ERGIC1: variants seen among roughly 807,000 people sequenced by gnomAD.
ERGIC1 encodes the protein endoplasmic reticulum-golgi intermediate compartment 1, also known as endoplasmic reticulum-Golgi intermediate compartment protein 1.
Under a neutral mutation model 38.3 loss-of-function variants are expected in ERGIC1, and 19 were observed. The ratio of observed to expected loss-of-function variants is 0.50; its 90% confidence interval spans 0.35 to 0.73. The LOEUF (loss-of-function observed/expected upper bound fraction) is 0.73, where lower values mean the gene tolerates loss of function less well. Among genes scored for constraint, ERGIC1 ranks in the 30% least tolerant of loss-of-function variants. ERGIC1 has a pLI of 0.01. For synonymous variants in ERGIC1, 124 were observed against 157.6 expected (o/e 0.79, Z 1.60); for missense variants, 294 against 389.2 (o/e 0.76, Z 2.06).
chr5:172,847,732 C>G (rs1473859465), intron 1 of ERGIC1, among the ~76,000 whole-genome samples: 1 of 152,224 alleles, frequency 6.6e-6, no homozygotes, highest in Non-Finnish European at 1.5e-5. Context: ...CCAGGATGGT[C>G]TCGATCCGTT....
intron 1 of ERGIC1, among the ~76,000 whole-genome samples, chr5:172,870,750 G>A (rs1278937456): frequency 6.6e-6 from 1 of 152,200 alleles, no homozygotes; most frequent in East Asian, 1.9e-4. Context: ...CCCTCTCGCA[G>A]CCACTCCCTT....
chr5:172,906,569 C>G (rs1308989416), intron 3 of ERGIC1, among the ~76,000 whole-genome samples: 1 of 152,134 alleles, frequency 6.6e-6, no homozygotes, highest in Non-Finnish European at 1.5e-5. Context: ...CAGCATCACA[C>G]CGGGTGCTAG....
intron 1 of ERGIC1, among the ~76,000 whole-genome samples, chr5:172,856,383 C>A (rs1312091554): frequency 2.0e-5 from 3 of 152,018 alleles, no homozygotes; most frequent in African/African-American, 7.2e-5. Context: ...GGAAGAGAAG[C>A]AAATGGCAAA....
At chr5:172,936,449 C>T (rs1418956176) in intron 9 of ERGIC1, 1 of 152,288 alleles carries the variant, frequency 6.6e-6, no homozygotes, top group African/African-American at 2.4e-5. Flanking sequence ...AGGCCCTGTA[C>T]CCTCTCTGGT....
At chr5:172,898,001 C>T (rs181242524) in intron 3 of ERGIC1, 216 of 410,694 alleles carry the variant, frequency 5.3e-4, no homozygotes, top group Middle Eastern at 1.9e-3. Context: ...CCTCATCGGA[C>T]GCCCCTCTGT....
At chr5:172,878,439 GA>G (rs1290830111) in intron 1 of ERGIC1, among the ~76,000 whole-genome samples, 2 of 152,178 alleles carry the variant, frequency 1.3e-5, no homozygotes, top group Non-Finnish European at 2.9e-5. Flanking sequence ...AAGTAAAACA[GA>G]AAGAATGCTA....
At chr5:172,855,172 T>G (rs766832886) in intron 1 of ERGIC1, among the ~76,000 whole-genome samples, 14 of 152,154 alleles carry the variant, frequency 9.2e-5, no homozygotes, top group Non-Finnish European at 1.6e-4. Context: ...GGAGTGGCAT[T>G]TCCCAGAACA....
At chr5:172,932,683 C>G in intron 8 of ERGIC1, 147 bp downstream of exon 8, 1 of 745,552 alleles carries the variant, frequency 1.3e-6, no homozygotes, top group Non-Finnish European at 2.2e-6. Flanking sequence ...CAGGCGCTGT[C>G]CCTGGGTAAA....
intron 4 of ERGIC1, among the ~76,000 whole-genome samples, chr5:172,913,349 C>A (rs764752935): frequency 3.3e-5 from 5 of 152,262 alleles, no homozygotes; most frequent in African/African-American, 9.6e-5. Context: ...CATCTGGACA[C>A]ACATTGTGGA....
intron 3 of ERGIC1, 85 bp from the exon 4 acceptor site, chr5:172,909,582 A>G: frequency 1.6e-6 from 2 of 1,272,930 alleles, no homozygotes; most frequent in East Asian, 4.6e-5. Context: ...TGTGGTCACC[A>G]AGTGAAGTGA....
intron 9 of ERGIC1, among the ~76,000 whole-genome samples, chr5:172,938,348 G>A (rs961432322): frequency 1.3e-5 from 2 of 152,180 alleles, no homozygotes; most frequent in African/African-American, 2.4e-5. Context: ...ATTGACTATA[G>A]CAGAGAAACC....
chr5:172,913,443 T>C (rs1213389089), intron 4 of ERGIC1, among the ~76,000 whole-genome samples: 2 of 152,224 alleles, frequency 1.3e-5, no homozygotes, highest in African/African-American at 4.8e-5. Context: ...CATTATACCA[T>C]TGGCATTTCC....
chr5:172,901,326 G>A (rs1343594401), intron 3 of ERGIC1, among the ~76,000 whole-genome samples: 1 of 152,160 alleles, frequency 6.6e-6, no homozygotes, highest in African/African-American at 2.4e-5. Context: ...TTGGGAAAGA[G>A]GCCCCACAGA....
At chr5:172,836,916 G>C (rs1247754074) in intron 1 of ERGIC1, among the ~76,000 whole-genome samples, 1 of 152,208 alleles carries the variant, frequency 6.6e-6, no homozygotes, top group Non-Finnish European at 1.5e-5. Flanking sequence ...CTGAGTAGAA[G>C]CCCTTTGCTC....
At chr5:172,856,221 G>A (rs1581515065) in intron 1 of ERGIC1, among the ~76,000 whole-genome samples, 1 of 152,292 alleles carries the variant, frequency 6.6e-6, no homozygotes, top group South Asian at 2.1e-4. Flanking sequence ...TTGGCAGCCA[G>A]GCTGGAGAAG....
intron 9 of ERGIC1, among the ~76,000 whole-genome samples, chr5:172,942,471 C>T (rs2113485310): frequency 6.6e-6 from 1 of 152,248 alleles, no homozygotes; most frequent in South Asian, 2.1e-4. Context: ...TCTCCAGATC[C>T]AGTGCATCAA....
intron 7 of ERGIC1, 59 bp from the exon 8 acceptor site, chr5:172,932,377 A>C (rs1386004734): frequency 1.3e-6 from 2 of 1,555,072 alleles, no homozygotes; most frequent in Admixed American, 3.4e-5. Context: ...GAAATGACAT[A>C]GAGCTGTCAG....
intron 9 of ERGIC1, among the ~76,000 whole-genome samples, chr5:172,939,152 A>G (rs471746): frequency 0.046 from 6,930 of 152,286 alleles, 327 homozygotes; most frequent in East Asian, 0.11. Flanking sequence ...AGAATTCACT[A>G]TGTTCCGGCC....
At chr5:172,947,631 T>A (rs1021678864) in intron 9 of ERGIC1, among the ~76,000 whole-genome samples, 1 of 152,206 alleles carries the variant, frequency 6.6e-6, no homozygotes, top group Non-Finnish European at 1.5e-5. Flanking sequence ...TGCCTCAGGG[T>A]TCCCCCTTAG....
Sources: allele counts gnomAD v4.1 joint callset (sites outside exome capture counted in the v4.1 genomes callset), GRCh38; gene constraint gnomAD v4.1.1; transcripts MANE v1.5; gene names NCBI Gene and HGNC (gene_info 2026-07-23, HGNC 2026-07-21).